NPHP4: variants seen among roughly 807,000 people sequenced by gnomAD.
NPHP4 encodes nephrocystin 4.
Under a neutral mutation model 155.8 loss-of-function variants are expected in NPHP4, and 151 were observed. The observed-to-expected ratio is 0.97, with a 90% CI of 0.85 to 1.11. The LOEUF (loss-of-function observed/expected upper bound fraction) is 1.11, where lower values mean the gene tolerates loss of function less well. Among genes scored for constraint, NPHP4 ranks in the 50% least tolerant of loss-of-function variants. The probability of loss-of-function intolerance (pLI) is 0.00; values close to 1 mark genes in which losing one functional copy is unlikely to be tolerated. For synonymous variants in NPHP4, 845 were observed against 816.8 expected (o/e 1.03, Z -0.59); for missense variants, 1,956 against 1,925.7 (o/e 1.02, Z -0.29).
At chr1:5,903,934 G>A (rs1557694749) in intron 16 of NPHP4, among the ~76,000 whole-genome samples, 1 of 152,174 alleles carries the variant, frequency 6.6e-6, no homozygotes, top group Non-Finnish European at 1.5e-5. Context: ...AACGTCACCT[G>A]CTACAAAGAA....
Position 5,933,220 on chromosome 1 carries a change from T to C in NPHP4, c.1229A>G (p.Gln410Arg), listed in dbSNP as rs1390707034. Residue 410 changes from glutamine (Q) to arginine (R), a missense_variant, in exon 10 of 30, where the codon CAG (glutamine) becomes CGG (arginine). By Grantham distance (43) the Gln-to-Arg change is conservative. Transcript: ENST00000378156. ...CGAGGGGTTGGGCTGGATCCCACCC[T>C]GCAGAGGCAGGGTCACCCTTCCAGA... ...ADSGRVTLPLQGGIQPNPSHC... is the reference protein window; with the variant it reads ...ADSGRVTLPLRGGIQPNPSHC... 3.7e-6 allele frequency: 6 copies of C among 1,613,816 alleles called. No homozygotes were observed. The African/African-American group carries it at 6.7e-5, about 18-fold the overall frequency.
At chr1:5,977,174 C>G (rs1653756312) in intron 3 of NPHP4, among the ~76,000 whole-genome samples, 1 of 152,150 alleles carries the variant, frequency 6.6e-6, no homozygotes, top group Admixed American at 6.5e-5. Flanking sequence ...TGGGAAAGGC[C>G]TCCATGACAT....
At chr1:5,988,334 C>T (rs760006347) in intron 1 of NPHP4, among the ~76,000 whole-genome samples, 1 of 152,204 alleles carries the variant, frequency 6.6e-6, no homozygotes, top group Admixed American at 6.5e-5. Flanking sequence ...CAAGGCAACA[C>T]AAGGCAACAG....
rs79146873 is a variant in NPHP4 at position 5,920,588 on chromosome 1, G to C, written c.1441+7061C>G. 5.9e-4 allele frequency among the ~76,000 whole-genome samples: 90 copies of C among 152,252 alleles called. 1 individual carries two copies. The East Asian group carries it at 0.011, about 18-fold the overall frequency. On this transcript the variant is annotated intron_variant, in intron 11 of 29. Coordinates refer to ENST00000378156, the MANE Select transcript of NPHP4 (RefSeq NM_015102.5). ...GACAATCGCTGGGCATCTGCTCCACGCCAGGCAGCCCCGAGCACCTGGACA... is the reference window on the plus strand; with the variant it reads ...GACAATCGCTGGGCATCTGCTCCACCCCAGGCAGCCCCGAGCACCTGGACA...
At chr1:5,939,442 G>A (rs568406878) in intron 9 of NPHP4, among the ~76,000 whole-genome samples, 27 of 152,336 alleles carry the variant, frequency 1.8e-4, no homozygotes, top group Admixed American at 8.5e-4. Context: ...GGGCCCCAGC[G>A]GCTGGCATGT....
chr1:5,975,684 C>T (rs2102334080), intron 3 of NPHP4, among the ~76,000 whole-genome samples: 1 of 152,350 alleles, frequency 6.6e-6, no homozygotes, highest in East Asian at 1.9e-4. Flanking sequence ...CCACCAGCTC[C>T]TAGTCTCCCT....
intron 10 of NPHP4, among the ~76,000 whole-genome samples, chr1:5,932,527 G>A (rs1021526901): frequency 4.6e-5 from 7 of 152,144 alleles, no homozygotes; most frequent in East Asian, 1.9e-4. Context: ...CTGGGTCACC[G>A]CTAACCATCC....
In NPHP4 at chr1:5,952,920, C is replaced by T. The variant is rs72857497; in HGVS notation, c.674-84G>A. 1,422 of 1,361,242 alleles carry T rather than the reference C, an allele frequency of 1.0e-3. 10 individuals are homozygous for T. The African/African-American group carries it at 0.018, about 18-fold the overall frequency. The allele number at this position is 1,361,242 out of a possible 1,614,324, so 84.3% of individuals were successfully genotyped here. On this transcript the variant is annotated intron_variant, in intron 6 of 29. Transcript: ENST00000378156. Reference sequence around the variant, plus strand: ...CACCGAGGGTCCCTACCCACCCCAGCCTCAGCCGGGGCCTGCAGCAACGAA... The same window carrying T: ...CACCGAGGGTCCCTACCCACCCCAGTCTCAGCCGGGGCCTGCAGCAACGAA...
In NPHP4 at chr1:5,862,866, G is replaced by C. The variant is rs1640791008; in HGVS notation, c.*399C>G. Reference sequence around the variant, plus strand: ...AATTTAAAAAACAGATATAATACCAGCATAAAATATTGCATAGCAAATAAT... The same window carrying C: ...AATTTAAAAAACAGATATAATACCACCATAAAATATTGCATAGCAAATAAT... On this transcript the variant is annotated 3_prime_UTR_variant, in exon 30 of 30. Transcript: ENST00000378156. The C allele has an allele frequency of 9.6e-6, 2 of 208,088 alleles. No individual in the cohort carries two copies. Among genetic ancestry groups the C allele is most frequent in the Non-Finnish European group, 2.0e-5 (2 of 100,046 alleles). 12.9% of individuals were successfully genotyped at this position (208,088 alleles called of 1,614,324 possible). A position where few individuals can be genotyped will look rare whatever the true frequency, so the allele number is the denominator to read the frequency against.
At chr1:5,868,437 T>C (rs887697867) in intron 23 of NPHP4, 1 of 247,194 alleles carries the variant, frequency 4.0e-6, no homozygotes, top group African/African-American at 2.2e-5. Context: ...CCATATTGTC[T>C]GAAGAGGTAT....
In NPHP4 at chr1:5,972,310, G is replaced by A. The variant is rs1007484561; in HGVS notation, c.280-3051C>T. ...TGGCTCAGACTCACACTGCGGGTTC[G>A]GAGGGCTTCCCAGACACTACCCCTC... On this transcript the variant is annotated intron_variant, in intron 3 of 29. Coordinates refer to ENST00000378156, the MANE Select transcript of NPHP4 (RefSeq NM_015102.5). Among the ~76,000 whole-genome samples, 12 of 152,188 alleles carry A rather than the reference G, an allele frequency of 7.9e-5. No individual in the cohort carries two copies. In the East Asian group the frequency reaches 2.3e-3, roughly 29 times the overall value.
chr1:5,868,496 A>G (rs890136333), intron 23 of NPHP4: 22 of 231,844 alleles, frequency 9.5e-5, no homozygotes, highest in Non-Finnish European at 1.6e-4. Context: ...AGATACACAC[A>G]ACCACAGAGA....
intron 11 of NPHP4, among the ~76,000 whole-genome samples, chr1:5,909,938 C>T (rs1265683854): frequency 6.6e-6 from 1 of 152,156 alleles, no homozygotes; most frequent in Non-Finnish European, 1.5e-5. Flanking sequence ...GCTTCTGCAA[C>T]CCCTCCCCAG....
intron 26 of NPHP4, 119 bp from the exon 27 acceptor site, chr1:5,865,392 G>T: frequency 1.1e-6 from 1 of 942,988 alleles, no homozygotes; most frequent in South Asian, 1.9e-5. Flanking sequence ...GAAAGCCCCA[G>T]AGGACCAGGC....
At chr1:5,901,951 TC>T (rs1644703776) in intron 16 of NPHP4, among the ~76,000 whole-genome samples, 3 of 152,026 alleles carry the variant, frequency 2.0e-5, no homozygotes, top group Admixed American at 6.5e-5. Flanking sequence ...ACCAGCCCCC[TC>T]CCCCAAAGAC....
At chr1:5,916,865 A>T (rs1443418646) in intron 11 of NPHP4, among the ~76,000 whole-genome samples, 1 of 152,258 alleles carries the variant, frequency 6.6e-6, no homozygotes, top group Non-Finnish European at 1.5e-5. Flanking sequence ...GCAGGCTTCT[A>T]GAAGGAGGAC....
At chr1:5,884,217 C>G (rs2100799557) in intron 18 of NPHP4, among the ~76,000 whole-genome samples, 1 of 152,320 alleles carries the variant, frequency 6.6e-6, no homozygotes, top group African/African-American at 2.4e-5. Context: ...TCCAAACACA[C>G]AGGGCTCCCG....
Position 5,887,604 on chromosome 1 carries a change from G to A in NPHP4, c.2305-138C>T, listed in dbSNP as rs1463952993. 3 of 834,338 alleles carry A rather than the reference G, an allele frequency of 3.6e-6. No individual in the cohort carries two copies. In the African/African-American group the frequency reaches 5.1e-5, roughly 14 times the overall value. The allele number at this position is 834,338 out of a possible 1,614,324, so 51.7% of individuals were successfully genotyped here. ...GGGGGTGTGCGCAGGATAAGACCCT[G>A]CACCACGCTGGGGGGTGAGGGGGCG... On this transcript the variant is annotated intron_variant, in intron 17 of 29. Coordinates refer to ENST00000378156, the MANE Select transcript of NPHP4 (RefSeq NM_015102.5).
intron 29 of NPHP4, 185 bp from the exon 30 acceptor site, chr1:5,863,590 C>T: frequency 1.5e-6 from 1 of 680,302 alleles, no homozygotes; most frequent in South Asian, 1.8e-5. Flanking sequence ...AGTGCTCAGC[C>T]AGTGTGACGC....
Sources: gnomAD v4.1 joint callset for allele counts (sites outside exome capture counted in the v4.1 genomes callset) on GRCh38, gnomAD v4.1.1 for gene constraint, MANE v1.5 for transcripts, NCBI Gene and HGNC (gene_info 2026-07-23, HGNC 2026-07-21) for gene names.